Variants in NRAP observed in about 807,000 individuals in gnomAD.
The protein encoded by NRAP is nebulin-related-anchoring protein.
A neutral mutation model predicts 225.9 loss-of-function variants in NRAP; 189 were observed. The ratio of observed to expected loss-of-function variants is 0.84; its 90% confidence interval spans 0.74 to 0.94. The LOEUF is 0.94. Among genes scored for constraint, NRAP ranks in the 40% least tolerant of loss-of-function variants. NRAP has a pLI of 0.00. For synonymous variants in NRAP, 769 were observed against 790.7 expected (o/e 0.97, Z 0.46); for missense variants, 2,176 against 2,168.7 (o/e 1.00, Z -0.07).
At chr10:113,642,502 T>C (rs1592839803) in intron 12 of NRAP, among the ~76,000 whole-genome samples, 2 of 152,278 alleles carry the variant, frequency 1.3e-5, no homozygotes. Context: ...GCCCCTCTAG[T>C]ACATATCTGT....
intron 7 of NRAP, among the ~76,000 whole-genome samples, chr10:113,651,454 C>T (rs1481607839): frequency 3.3e-5 from 5 of 152,110 alleles, no homozygotes; most frequent in Admixed American, 1.3e-4. Flanking sequence ...GTATTAAGCC[C>T]GGCATGCATT....
chr10:113,598,128 C>A (rs1846393487), intron 35 of NRAP, 55 bp from the exon 36 acceptor site: 1 of 1,032,274 alleles, frequency 9.7e-7, no homozygotes, highest in South Asian at 1.3e-5. Context: ...ACTAGTACAG[C>A]ATTTCAAGAA....
At chr10:113,590,241 C>T (rs979194763) in intron 40 of NRAP, among the ~76,000 whole-genome samples, 1 of 152,156 alleles carries the variant, frequency 6.6e-6, no homozygotes, top group Non-Finnish European at 1.5e-5. Context: ...GTTGGTATCC[C>T]AGGTCTGCCA....
intron 26 of NRAP, among the ~76,000 whole-genome samples, 186 bp from the exon 27 acceptor site, chr10:113,616,002 GC>G (rs971249408): frequency 2.0e-5 from 3 of 152,114 alleles, no homozygotes; most frequent in African/African-American, 4.8e-5. Context: ...TCCAAGCTCT[GC>G]TTCCTAGCTC....
chr10:113,663,508 T>C lies in NRAP; in HGVS notation c.73-62A>G, dbSNP rs910055462. On this transcript the variant is annotated intron_variant, in intron 1 of 41. Transcript: ENST00000359988. ...TTTCCCCCCAGACTCAAGGTTCTTA[T>C]ATATTTTAGGGTAAAAAAATGAACT... The C allele has an allele frequency of 4.7e-6, 5 of 1,059,170 alleles. No homozygotes were observed. The African/African-American group carries it at 4.8e-5, about 10-fold the overall frequency. The allele number at this position is 1,059,170 out of a possible 1,614,324, so 65.6% of individuals were successfully genotyped here.
At chr10:113,597,460 C>T (rs975369826) in intron 36 of NRAP, among the ~76,000 whole-genome samples, 1 of 152,184 alleles carries the variant, frequency 6.6e-6, no homozygotes. Flanking sequence ...GGGCAGTATT[C>T]AGCATCAATG....
intron 36 of NRAP, among the ~76,000 whole-genome samples, 156 bp downstream of exon 36, chr10:113,597,813 C>G (rs1247626989): frequency 6.6e-6 from 1 of 152,202 alleles, no homozygotes; most frequent in East Asian, 1.9e-4. Context: ...AAACCTCATT[C>G]TGTCTTGGGA....
At chr10:113,653,959 A>G in intron 5 of NRAP, 62 bp downstream of exon 5, 1 of 957,162 alleles carries the variant, frequency 1.0e-6, no homozygotes, top group Non-Finnish European at 1.7e-6. Flanking sequence ...GTCAAGGAAC[A>G]GTCAAACTAA....
chr10:113,640,996 C>A lies in NRAP; in HGVS notation c.1323+369G>T, dbSNP rs56812528. 3.7e-3 allele frequency among the ~76,000 whole-genome samples: 556 copies of A among 152,250 alleles called. 5 individuals are homozygous for A. The highest frequency in any genetic ancestry group is 0.012 in the African/African-American group (503 of 41,540). Reference sequence around the variant, plus strand: ...AGGAACAAACCAGCTTACCAACCAACCAACTCTCAATAAATCACAAAAGCT... The same window carrying A: ...AGGAACAAACCAGCTTACCAACCAAACAACTCTCAATAAATCACAAAAGCT... On this transcript the variant is annotated intron_variant, in intron 13 of 41. Transcript: ENST00000359988.
chr10:113,602,860 T>G (rs1015763789), intron 35 of NRAP, among the ~76,000 whole-genome samples: 1 of 152,166 alleles, frequency 6.6e-6, no homozygotes, highest in Non-Finnish European at 1.5e-5. Flanking sequence ...GGGGGATAAC[T>G]TCGTCTCTCA....
chr10:113,621,572 C>A (rs1166863985), intron 24 of NRAP, among the ~76,000 whole-genome samples: 1 of 152,164 alleles, frequency 6.6e-6, no homozygotes, highest in African/African-American at 2.4e-5. Context: ...AGGAATGACA[C>A]AAAGATACCT....
In NRAP at chr10:113,590,689, G is replaced by A. The variant is rs2133813343; in HGVS notation, c.4845C>T (p.Ser1615=). The A allele has an allele frequency of 6.2e-7, 1 of 1,614,186 alleles. No homozygotes were observed. The highest frequency in any genetic ancestry group is 1.3e-5 in the African/African-American group (1 of 75,046). Residue 1615 remains serine, a synonymous_variant, in exon 40 of 42, where the codon AGC becomes AGT. Coordinates refer to ENST00000359988, the MANE Select transcript of NRAP (RefSeq NM_198060.4). ...AGTGCACATCACTGGCCAGCTGCTG[G>A]CTCCTCTTGGCCTGAAGGAGGCCGG... ...DQPGLLQAKR[S]QQLASDVHYR... is the part of the protein sequence containing the mutation.
At position 113,663,902 on chromosome 10, in the gene NRAP, G is replaced by A. The variant is rs1187485209; in HGVS notation, c.-20C>T. 1.2e-6 allele frequency: 2 copies of A among 1,602,492 alleles called. No individual in the cohort carries two copies. Among genetic ancestry groups the A allele is most frequent in the African/African-American group, 1.3e-5 (1 of 74,600 alleles). On this transcript the variant is annotated 5_prime_UTR_variant, in exon 1 of 42. Coordinates refer to ENST00000359988, the MANE Select transcript of NRAP (RefSeq NM_198060.4). ...ATTCATCTCGAAGCCGGAAGAGAGA[G>A]GACAAAGATAGGCAACAGGCAAGAA...
rs760235306 is a variant in NRAP at position 113,606,201 on chromosome 10, T to C, written c.3784A>G (p.Thr1262Ala). 41 of 1,613,662 alleles carry C rather than the reference T, an allele frequency of 2.5e-5. No homozygotes were observed. Among genetic ancestry groups the C allele is most frequent in the Non-Finnish European group, 3.3e-5 (39 of 1,179,680 alleles). Residue 1262 changes from threonine to alanine, a missense_variant, in exon 33 of 42, where the codon ACG (threonine) becomes GCG (alanine). Transcript: ENST00000359988. Reference sequence around the variant, plus strand: ...ACGTCACTCAGGTTGGCTGCATTCGTTTTTGCTCGGATGAACTCGGGCAGA... The same window carrying C: ...ACGTCACTCAGGTTGGCTGCATTCGCTTTTGCTCGGATGAACTCGGGCAGA... ...LGLPEFIRAK[T>A]NAANLSDARY...
Position 113,652,972 on chromosome 10 carries a change from T to C in NRAP, c.533A>G (p.Tyr178Cys). Residue 178 changes from tyrosine (Y) to cysteine (C), a missense_variant, in exon 6 of 42, where the codon TAT becomes TGT. Around this residue, in one of 3 missense-constraint regions of NRAP, gnomAD observed 1,708 missense variants for 1,695.5 expected, o/e 1.01. Transcript: ENST00000359988. Reference sequence around the variant, plus strand: ...CTGGTTGGCTTTCTTGGCCCTTTGATAAGCAGGTGTGATCATGGCTGGAAA... The same window carrying C: ...CTGGTTGGCTTTCTTGGCCCTTTGACAAGCAGGTGTGATCATGGCTGGAAA... ...GSFPAMITPAYQRAKKANQLA... is the reference protein window; with the variant it reads ...GSFPAMITPACQRAKKANQLA... 5 of 1,613,316 alleles carry C rather than the reference T, an allele frequency of 3.1e-6. No homozygotes were observed. The highest frequency in any genetic ancestry group is 3.4e-6 in the Non-Finnish European group (4 of 1,179,764).
At chr10:113,648,832 T>C (rs964280168) in intron 9 of NRAP, among the ~76,000 whole-genome samples, 4 of 152,338 alleles carry the variant, frequency 2.6e-5, no homozygotes, top group African/African-American at 9.6e-5. Context: ...GAACCAGCTA[T>C]GATACTATGA....
chr10:113,594,015 A>G (rs1194196608), intron 38 of NRAP, among the ~76,000 whole-genome samples: 1 of 152,110 alleles, frequency 6.6e-6, no homozygotes, highest in African/African-American at 2.4e-5. Flanking sequence ...GGTTGTGATC[A>G]CTTCCTCCCT....
rs902731841 is a variant in NRAP, at chr10:113,650,533, C to T, written c.688G>A (p.Glu230Lys). 5 of 1,610,038 alleles carry T rather than the reference C, an allele frequency of 3.1e-6. No individual in the cohort carries two copies. Among genetic ancestry groups the T allele is most frequent in the Non-Finnish European group, 4.3e-6 (5 of 1,176,266 alleles). Residue 230 changes from glutamate (E) to lysine (K), a missense_variant, in exon 8 of 42, where the codon GAG becomes AAG. Physicochemically the swap from Glu to Lys is moderately conservative, Grantham distance 56 (BLOSUM62 1). Transcript: ENST00000359988. ...AQLQSDVRYT[E>K]DYEQQRGKGS... ...TTCCCTCTTTGTTGTTCATAGTCCT[C>T]TGTGTATCTCACCTGAAATGAAAAA... is the stretch of plus-strand genomic sequence containing the variant.
In NRAP at chr10:113,592,228, T is replaced by C. The variant is rs748537686; in HGVS notation, c.4610A>G (p.Gln1537Arg). The C allele has an allele frequency of 2.5e-6, 4 of 1,612,042 alleles. No individual in the cohort carries two copies. The highest frequency in any genetic ancestry group is 1.7e-5 in the Admixed American group (1 of 59,906). The change falls in exon 39 of 42, where the codon CAG (glutamine) becomes CGG (arginine). Residue 1537 changes from glutamine (Q) to arginine (R), a missense_variant. Around this residue, in one of 3 missense-constraint regions of NRAP, gnomAD observed 445 missense variants for 426.1 expected, o/e 1.04. Transcript: ENST00000359988. Reference protein sequence around the residue: ...YDFRLDAIPFQTARASREIAS... With the variant: ...YDFRLDAIPFRTARASREIAS... ...GATCTCCCTAGATGCCCGGGCAGTC[T>C]GGAAGGGGATGGCATCCAGCCTGAA...
Sources: allele counts gnomAD v4.1 joint callset (sites outside exome capture counted in the v4.1 genomes callset), GRCh38; gene constraint gnomAD v4.1.1; regional missense constraint gnomAD v4.1.1; transcripts MANE v1.5; gene names NCBI Gene and HGNC (gene_info 2026-07-23, HGNC 2026-07-21).